Variants in NEK10 observed in about 807,000 individuals in gnomAD.
The protein encoded by NEK10 is serine/threonine-protein kinase Nek10.
A neutral mutation model predicts 159.8 loss-of-function variants in NEK10; 122 were observed. The observed-to-expected ratio is 0.76, with a 90% confidence interval of 0.66 to 0.89. The LOEUF (loss-of-function observed/expected upper bound fraction) is 0.89, where lower values mean the gene tolerates loss of function less well. Among genes scored for constraint, NEK10 ranks in the 40% least tolerant of loss-of-function variants. The pLI is 0.00. For synonymous variants in NEK10, 466 were observed against 457.1 expected (o/e 1.02, Z -0.25); for missense variants, 1,342 against 1,323.1 (o/e 1.01, Z -0.22).
intron 22 of NEK10, among the ~76,000 whole-genome samples, chr3:27,283,905 G>A (rs1459461153): frequency 1.3e-5 from 2 of 152,170 alleles, no homozygotes; most frequent in African/African-American, 4.8e-5. Flanking sequence ...AAAAGCTTTT[G>A]TTGATGAGGC....
intron 1 of NEK10, among the ~76,000 whole-genome samples, chr3:27,356,703 G>GCT (rs1415653587): frequency 1.3e-5 from 2 of 152,054 alleles, no homozygotes; most frequent in African/African-American, 4.8e-5. Context: ...GGTCAGATGT[G>GCT]CTCTCCTAAG....
At chr3:27,156,991 A>C (rs1263361204) in intron 30 of NEK10, among the ~76,000 whole-genome samples, 4 of 128,598 alleles carry the variant, frequency 3.1e-5, no homozygotes, top group Non-Finnish European at 6.6e-5. Flanking sequence ...ATGAAATACT[A>C]CTCAGCCATA....
intron 13 of NEK10, among the ~76,000 whole-genome samples, chr3:27,299,056 G>A (rs2043593370): frequency 6.6e-6 from 1 of 152,174 alleles, no homozygotes; most frequent in African/African-American, 2.4e-5. Context: ...ATTTGCATAA[G>A]TAATGAGGAG....
intron 22 of NEK10, among the ~76,000 whole-genome samples, chr3:27,276,410 C>T (rs1001281788): frequency 4.2e-4 from 64 of 151,968 alleles, no homozygotes; most frequent in Non-Finnish European, 1.3e-4. Flanking sequence ...GCATTCCAGG[C>T]AGAGGGATGG....
Position 27,174,781 on chromosome 3 carries a change from A to G in NEK10, c.2558T>C (p.Leu853Pro), listed in dbSNP as rs1947344745. The G allele has an allele frequency of 3.1e-6, 5 of 1,611,566 alleles. No individual in the cohort carries two copies. The highest frequency in any genetic ancestry group is 1.7e-5 in the Admixed American group (1 of 59,452). The change falls in exon 27 of 36, where the codon CTG becomes CCG. Residue 853 changes from leucine (L) to proline (P), a missense_variant. Coordinates refer to ENST00000691995, the MANE Select transcript of NEK10 (RefSeq NM_001394966.1). ...TGCGCTTTCTGAAAGTTCACTTTTC[A>G]GGCTGGCTGCTCCACTGCTGCTGCT... The part of the protein sequence containing the change: ...LSSSSSGAAS[L>P]KSELSESADL...
intron 22 of NEK10, among the ~76,000 whole-genome samples, chr3:27,260,742 G>A (rs1328469692): frequency 6.6e-6 from 1 of 152,206 alleles, no homozygotes; most frequent in Non-Finnish European, 1.5e-5. Context: ...CATAAAATGA[G>A]TTAGGAAGGA....
chr3:27,366,294 T>C (rs1237995127), intron 1 of NEK10, among the ~76,000 whole-genome samples: 3 of 152,236 alleles, frequency 2.0e-5, no homozygotes, highest in African/African-American at 7.2e-5. Flanking sequence ...CCAAGCAGTC[T>C]GGCTCCAGAA....
intron 26 of NEK10, among the ~76,000 whole-genome samples, chr3:27,178,064 G>A (rs971985010): frequency 5.9e-5 from 9 of 152,168 alleles, no homozygotes; most frequent in South Asian, 4.1e-4. Context: ...AGAATACAAC[G>A]CAAATCACAC....
At position 27,192,084 on chromosome 3, in the gene NEK10, A is replaced by G; in HGVS notation, c.2450T>C (p.Met817Thr). Reference protein sequence around the residue: ...RERRRTQRYFMEANRNTVTCH... With the variant: ...RERRRTQRYFTEANRNTVTCH... ...TGTGACGGTGTTCCGGTTGGCTTCCATAAAATACCTTTGTGTGCGTCTTCG... is the reference window on the plus strand; with the variant it reads ...TGTGACGGTGTTCCGGTTGGCTTCCGTAAAATACCTTTGTGTGCGTCTTCG... The change falls in exon 26 of 36, where the codon ATG (methionine) becomes ACG (threonine). Residue 817 changes from methionine to threonine, a missense_variant. Coordinates refer to ENST00000691995, the MANE Select transcript of NEK10 (RefSeq NM_001394966.1). 1 of 1,614,222 alleles carries G rather than the reference A, an allele frequency of 6.2e-7. No individual in the cohort carries two copies. The highest frequency in any genetic ancestry group is 8.5e-7 in the Non-Finnish European group (1 of 1,180,036).
At chr3:27,198,127 G>T (rs1949720329) in intron 25 of NEK10, among the ~76,000 whole-genome samples, 1 of 152,062 alleles carries the variant, frequency 6.6e-6, no homozygotes, top group Non-Finnish European at 1.5e-5. Context: ...AGAAATCAGA[G>T]ATGACACAAA....
At chr3:27,331,010 C>A (rs573937509) in intron 5 of NEK10, among the ~76,000 whole-genome samples, 1 of 151,816 alleles carries the variant, frequency 6.6e-6, no homozygotes, top group Non-Finnish European at 1.5e-5. Flanking sequence ...CCGAAGTGGG[C>A]GGATCACCTG....
chr3:27,229,557 T>C (rs1484218279), intron 23 of NEK10, among the ~76,000 whole-genome samples: 2 of 151,790 alleles, frequency 1.3e-5, no homozygotes, highest in African/African-American at 2.4e-5. Flanking sequence ...ATTCAGAAGG[T>C]TGATTATTAA....
intron 22 of NEK10, among the ~76,000 whole-genome samples, chr3:27,263,256 C>T (rs556531494): frequency 2.0e-5 from 3 of 152,176 alleles, no homozygotes; most frequent in Non-Finnish European, 4.4e-5. Flanking sequence ...TTAGTCTAAT[C>T]GGGGGTCAGG....
intron 32 of NEK10, among the ~76,000 whole-genome samples, chr3:27,129,487 G>A (rs1250902278): frequency 2.6e-5 from 4 of 152,094 alleles, no homozygotes; most frequent in Non-Finnish European, 5.9e-5. Flanking sequence ...ATCCATTTAT[G>A]AACAGAAGTT....
intron 19 of NEK10, among the ~76,000 whole-genome samples, chr3:27,289,699 A>G (rs1164604913): frequency 1.3e-5 from 2 of 152,242 alleles, no homozygotes; most frequent in Non-Finnish European, 2.9e-5. Context: ...TTGTGCTACA[A>G]TGAAAGAGCA....
chr3:27,311,267 CTCTT>C, intron 8 of NEK10: 1 of 316,898 alleles, frequency 3.2e-6, no homozygotes, highest in Admixed American at 4.9e-5. Context: ...AGGCAAACCT[CTCTT>C]TCCACTTGAA....
At chr3:27,247,810 CT>C (rs1442039074) in intron 23 of NEK10, among the ~76,000 whole-genome samples, 11 of 131,506 alleles carry the variant, frequency 8.4e-5, no homozygotes, top group African/African-American at 3.1e-4. Context: ...ATTTTCTTTT[CT>C]TTTCTTTTCT....
intron 23 of NEK10, 97 bp from the exon 24 acceptor site, chr3:27,202,654 T>C (rs1376685749): frequency 1.5e-6 from 2 of 1,346,612 alleles, no homozygotes; most frequent in African/African-American, 2.9e-5. Flanking sequence ...TTTTTAAGTA[T>C]CTGAAATGTT....
intron 23 of NEK10, among the ~76,000 whole-genome samples, chr3:27,226,545 C>T (rs1205738314): frequency 6.6e-6 from 1 of 152,110 alleles, no homozygotes; most frequent in Non-Finnish European, 1.5e-5. Context: ...GCAAAGTGGG[C>T]TAAATGCTTT....
Sources: allele counts gnomAD v4.1 joint callset (sites outside exome capture counted in the v4.1 genomes callset), GRCh38; gene constraint gnomAD v4.1.1; transcripts MANE v1.5; gene names NCBI Gene and HGNC (gene_info 2026-07-23, HGNC 2026-07-21).